The following NKAIN3 variants were observed in gnomAD, a reference collection of about 807,000 sequenced individuals.
The protein encoded by NKAIN3 is sodium/potassium-transporting ATPase subunit beta-1-interacting protein 3.
NKAIN3 carries 25 observed loss-of-function variants against 30.2 expected under a neutral mutation model. The ratio of observed to expected loss-of-function variants is 0.83; its 90% CI spans 0.60 to 1.16. The LOEUF is 1.16. Among genes scored for constraint, NKAIN3 ranks in the 50% most tolerant of loss-of-function variants. NKAIN3 has a pLI of 0.00. For synonymous variants in NKAIN3, 91 were observed against 89.6 expected (o/e 1.02, Z -0.09); for missense variants, 225 against 254.1 (o/e 0.89, Z 0.78).
chr8:62,558,670 T>C (rs1016035530), intron 1 of NKAIN3, among the ~76,000 whole-genome samples: 9 of 151,972 alleles, frequency 5.9e-5, no homozygotes, highest in African/African-American at 2.2e-4. Context: ...TATTGTTTTT[T>C]TGTTTTCAAA....
chr8:62,395,144 G>A (rs765426760), intron 1 of NKAIN3, among the ~76,000 whole-genome samples: 3 of 151,846 alleles, frequency 2.0e-5, no homozygotes, highest in Non-Finnish European at 2.9e-5. Flanking sequence ...CAGACGGGGC[G>A]GCGACGGGAC....
chr8:62,882,350 G>A (rs1003529253), intron 4 of NKAIN3, among the ~76,000 whole-genome samples: 15 of 152,038 alleles, frequency 9.9e-5, no homozygotes, highest in Middle Eastern at 6.8e-3. Flanking sequence ...ACGGAAGCTC[G>A]CTCTGTCGCC....
Position 62,984,798 on chromosome 8 carries a change from A to G in NKAIN3, c.*19391A>G, listed in dbSNP as rs1824169781. The G allele has an allele frequency of 6.6e-6, 1 of 152,190 alleles. No homozygotes were observed. Among genetic ancestry groups the G allele is most frequent in the African/African-American group, 2.4e-5 (1 of 41,458 alleles). The allele number at this position is 152,190 out of a possible 1,614,324, so 9.4% of individuals were successfully genotyped here. ...GTGTTATTTAACAGAAACTACATACATTTTTTATGTCTCTCTGGACCCTTT... is the reference window on the plus strand; with the variant it reads ...GTGTTATTTAACAGAAACTACATACGTTTTTTATGTCTCTCTGGACCCTTT... On this transcript the variant is annotated 3_prime_UTR_variant, in exon 7 of 7. Coordinates refer to ENST00000623646, the MANE Select transcript of NKAIN3 (RefSeq NM_001304533.3).
intron 4 of NKAIN3, among the ~76,000 whole-genome samples, chr8:62,811,385 T>C (rs2101042): frequency 0.77 from 116,502 of 151,954 alleles, 44,931 homozygotes; most frequent in Admixed American, 0.82. Context: ...GATAAATGCT[T>C]AAAAGTGTAA....
intron 1 of NKAIN3, among the ~76,000 whole-genome samples, chr8:62,498,536 A>G (rs1024993456): frequency 2.6e-5 from 4 of 151,778 alleles, no homozygotes; most frequent in African/African-American, 9.7e-5. Context: ...CTTGGATGAT[A>G]ACTACTATAA....
intron 4 of NKAIN3, among the ~76,000 whole-genome samples, chr8:62,762,043 T>C (rs1174615867): frequency 6.6e-6 from 1 of 152,176 alleles, no homozygotes; most frequent in African/African-American, 2.4e-5. Context: ...TTGCTGGACA[T>C]GGTAGCTCAC....
intron 1 of NKAIN3, among the ~76,000 whole-genome samples, chr8:62,538,614 G>A (rs941681107): frequency 3.3e-5 from 5 of 152,154 alleles, no homozygotes; most frequent in African/African-American, 1.2e-4. Flanking sequence ...ATCAATTCTT[G>A]TGGGATTTCA....
chr8:62,984,547 A>C lies in NKAIN3; in HGVS notation c.*19140A>C, dbSNP rs544499052. 1 of 152,302 alleles carries C rather than the reference A, an allele frequency of 6.6e-6. No individual in the cohort carries two copies. The highest frequency in any genetic ancestry group is 1.9e-4 in the East Asian group (1 of 5,180). The allele number at this position is 152,302 out of a possible 1,614,324, so 9.4% of individuals were successfully genotyped here. A position where few individuals can be genotyped will look rare whatever the true frequency, so the allele number is the denominator to read the frequency against. ...TCCCATAACACTGTGTAGTGACTTC[A>C]CTGTATATTAACTTCTTTTCTACAG... is the stretch of plus-strand genomic sequence containing the variant. On this transcript the variant is annotated 3_prime_UTR_variant, in exon 7 of 7. Transcript: ENST00000623646.
intron 1 of NKAIN3, among the ~76,000 whole-genome samples, chr8:62,375,818 G>C (rs1817061863): frequency 6.6e-6 from 1 of 152,114 alleles, no homozygotes; most frequent in African/African-American, 2.4e-5. Context: ...TAAATTCTAA[G>C]GATTTGTTTT....
chr8:62,986,440 G>T (rs566551125), downstream of NKAIN3, among the ~76,000 whole-genome samples: 51 of 152,268 alleles, frequency 3.3e-4, 1 homozygote, highest in Non-Finnish European at 6.8e-4. Flanking sequence ...CCATATGTAA[G>T]TTCCCTCAAT....
In NKAIN3 at chr8:62,327,328, C is replaced by A. The variant is rs558096498; in HGVS notation, c.54+78201C>A. On this transcript the variant is annotated intron_variant, in intron 1 of 6. Transcript: ENST00000623646. Reference sequence around the variant, plus strand: ...AAAAGCTTTAAGTTTCCATGAAGTGCAATTTGTTTGTTTTTTCTTTTGTCA... The same window carrying A: ...AAAAGCTTTAAGTTTCCATGAAGTGAAATTTGTTTGTTTTTTCTTTTGTCA... Among the ~76,000 whole-genome samples the A allele has an allele frequency of 8.6e-5, 13 of 152,024 alleles. 1 individual carries two copies. The highest frequency in any genetic ancestry group is 3.4e-3 in the Middle Eastern group (1 of 294).
chr8:62,341,073 A>G (rs1182845005), intron 1 of NKAIN3, among the ~76,000 whole-genome samples: 2 of 152,084 alleles, frequency 1.3e-5, no homozygotes, highest in South Asian at 2.1e-4. Flanking sequence ...ACACTCAGCT[A>G]CAGCAAGTGT....
At chr8:62,510,351 C>T (rs1052192066) in intron 1 of NKAIN3, among the ~76,000 whole-genome samples, 4 of 152,104 alleles carry the variant, frequency 2.6e-5, no homozygotes, top group Admixed American at 6.6e-5. Flanking sequence ...AGACTGACCA[C>T]CACCTTCATT....
chr8:62,996,045 CTA>C (rs1804104846), intron 5 of NKAIN3, among the ~76,000 whole-genome samples: 1 of 152,156 alleles, frequency 6.6e-6, no homozygotes, highest in African/African-American at 2.4e-5. Flanking sequence ...CTAGGTTGAC[CTA>C]TGTTGTAAAT....
intron 1 of NKAIN3, among the ~76,000 whole-genome samples, chr8:62,465,655 G>T (rs2129599741): frequency 6.6e-6 from 1 of 152,312 alleles, no homozygotes; most frequent in East Asian, 1.9e-4. Flanking sequence ...TGAAGGTGTT[G>T]AAGATGAAGG....
At chr8:62,315,370 T>A (rs1451003873) in intron 1 of NKAIN3, among the ~76,000 whole-genome samples, 3 of 152,150 alleles carry the variant, frequency 2.0e-5, no homozygotes, top group Non-Finnish European at 2.9e-5. Flanking sequence ...ATTTCCAGGG[T>A]ACCCCTGGGA....
In NKAIN3 at chr8:62,249,088, C is replaced by A; in HGVS notation, c.15C>A (p.Thr5=). The change falls in exon 1 of 7, where the codon ACC becomes ACA. Residue 5 remains threonine (T), a synonymous_variant. Coordinates refer to ENST00000623646, the MANE Select transcript of NKAIN3 (RefSeq NM_001304533.3). Reference sequence around the variant, plus strand: ...CCGCCGGCACCATGGGCTGCTGCACCGGACGCTGCTCGCTCATCTGCCTCT... The same window carrying A: ...CCGCCGGCACCATGGGCTGCTGCACAGGACGCTGCTCGCTCATCTGCCTCT... MGCC[T]GRCSLICLCA... The A allele has an allele frequency of 6.5e-7, 1 of 1,538,806 alleles. No individual in the cohort carries two copies. Among genetic ancestry groups the A allele is most frequent in the Non-Finnish European group, 8.7e-7 (1 of 1,144,066 alleles).
chr8:62,452,724 C>T (rs1258765416), intron 1 of NKAIN3, among the ~76,000 whole-genome samples: 1 of 152,138 alleles, frequency 6.6e-6, no homozygotes, highest in Admixed American at 6.5e-5. Flanking sequence ...CTCTTGATTT[C>T]TTAATTCCTT....
At chr8:62,879,673 T>G (rs1232901794) in intron 4 of NKAIN3, among the ~76,000 whole-genome samples, 1 of 152,148 alleles carries the variant, frequency 6.6e-6, no homozygotes, top group East Asian at 1.9e-4. Flanking sequence ...AATAGCCCCA[T>G]CCTGTCTGCT....
Sources: gnomAD v4.1 joint callset for allele counts (sites outside exome capture counted in the v4.1 genomes callset) on GRCh38, gnomAD v4.1.1 for gene constraint, MANE v1.5 for transcripts, NCBI Gene and HGNC (gene_info 2026-07-23, HGNC 2026-07-21) for gene names.